The following ZFHX3 variants were observed in gnomAD, a reference collection of about 807,000 sequenced individuals.
The protein encoded by ZFHX3 is zinc finger homeobox 3, also known as zinc finger homeobox protein 3.
A neutral mutation model predicts 279.1 loss-of-function variants in ZFHX3; 42 were observed. That is an observed-to-expected ratio of 0.15 (90% CI 0.12 to 0.19). The LOEUF is 0.19. Among genes scored for constraint, ZFHX3 ranks in the 10% least tolerant of loss-of-function variants. The pLI is 1.00. For missense variants in ZFHX3, 4,981 were observed against 4,754.0 expected, an observed-to-expected ratio of 1.05 and a Z score of -1.40; for synonymous variants, 2,293 against 1,957.8, an observed-to-expected ratio of 1.17 and a Z score of -4.52.
At chr16:73,499,360 T>C (rs1434068787) in intron 2 of ZFHX3, 1 of 152,182 alleles carries the variant, frequency 6.6e-6, no homozygotes, top group African/African-American at 2.4e-5. Context: ...CACTTGGGTT[T>C]GAGAGGTGGG....
At chr16:73,869,704 C>A (rs1241859085) in intron 1 of ZFHX3, among the ~76,000 whole-genome samples, 1 of 152,222 alleles carries the variant, frequency 6.6e-6, no homozygotes, top group Non-Finnish European at 1.5e-5. Context: ...ATGTGACCTA[C>A]TGAAGCCAAC....
chr16:73,086,085 C>A (rs557327193), intron 8 of ZFHX3, among the ~76,000 whole-genome samples: 4 of 148,772 alleles, frequency 2.7e-5, no homozygotes, highest in Non-Finnish European at 4.4e-5. Context: ...AAATGGCCAA[C>A]AAGTATATTT....
intron 4 of ZFHX3, among the ~76,000 whole-genome samples, chr16:73,297,739 G>A (rs559264439): frequency 4.3e-4 from 65 of 152,040 alleles, no homozygotes; most frequent in Non-Finnish European, 7.5e-4. Flanking sequence ...CTTTTATTAC[G>A]TGACCTTGGG....
In ZFHX3 at chr16:72,950,595, C is replaced by T. The variant is rs530852283; in HGVS notation, c.3090G>A (p.Lys1030=). The T allele has an allele frequency of 1.8e-5, 29 of 1,614,232 alleles. No individual in the cohort carries two copies. Among genetic ancestry groups the T allele is most frequent in the Admixed American group, 1.5e-4 (9 of 60,026 alleles). The change falls in exon 3 of 10, where the codon AAG becomes AAA. Residue 1030 remains lysine, a synonymous_variant. Transcript: ENST00000268489. The part of the protein sequence containing the change: ...EGGKANEWRL[K]CVAIGNPVHL... ...GCACGGGGTTGCCGATGGCCACACA[C>T]TTGAGCCTCCACTCGTTGGCCTTGC...
chr16:73,051,165 C>T (rs930034089), upstream of ZFHX3, among the ~76,000 whole-genome samples: 10 of 152,216 alleles, frequency 6.6e-5, no homozygotes, highest in African/African-American at 2.2e-4. Context: ...TGCACCCTTC[C>T]GGGTTCTTCT....
At chr16:73,740,009 C>A (rs1364614297) in intron 1 of ZFHX3, among the ~76,000 whole-genome samples, 2 of 152,256 alleles carry the variant, frequency 1.3e-5, no homozygotes, top group South Asian at 4.1e-4. Context: ...GGGACATCAT[C>A]TTCTGATTGT....
intron 4 of ZFHX3, among the ~76,000 whole-genome samples, chr16:72,842,055 T>G (rs577672666): frequency 6.6e-6 from 1 of 152,142 alleles, no homozygotes; most frequent in African/African-American, 2.4e-5. Context: ...CTATAGAAAT[T>G]TGTAGCACAC....
chr16:73,131,046 C>G (rs765407656), exon 7 of ZFHX3: 2 of 1,228,258 alleles, frequency 1.6e-6, no homozygotes, highest in Admixed American at 2.3e-5. Flanking sequence ...AATCCAGGTC[C>G]TGTCCCTTGC....
Position 72,787,028 on chromosome 16 carries a change from T to A in ZFHX3, c.*136A>T. 5 of 1,054,952 alleles carry A rather than the reference T, an allele frequency of 4.7e-6. No homozygotes were observed. Among genetic ancestry groups the A allele is most frequent in the Non-Finnish European group, 4.9e-6 (4 of 814,178 alleles). The allele number at this position is 1,054,952 out of a possible 1,614,324, so 65.3% of individuals were successfully genotyped here. A position where few individuals can be genotyped will look rare whatever the true frequency, so the allele number is the denominator to read the frequency against. On this transcript the variant is annotated 3_prime_UTR_variant, in exon 10 of 10. Transcript: ENST00000268489. Reference sequence around the variant, plus strand: ...TATATGGGAAAACAACCCACGCTTTTTCTTTTTTTTCTTTTTTTTTTTTTT... The same window carrying A: ...TATATGGGAAAACAACCCACGCTTTATCTTTTTTTTCTTTTTTTTTTTTTT...
intron 2 of ZFHX3, among the ~76,000 whole-genome samples, chr16:73,666,041 C>A (rs2052838816): frequency 6.6e-6 from 1 of 151,748 alleles, no homozygotes. Context: ...TGGTCTCGAT[C>A]TCCTGACCTT....
chr16:72,858,637 T>C (rs2037810446), intron 4 of ZFHX3, among the ~76,000 whole-genome samples: 1 of 152,224 alleles, frequency 6.6e-6, no homozygotes, highest in Non-Finnish European at 1.5e-5. Context: ...GCTCATAGCT[T>C]AGCAACTTTC....
chr16:73,211,328 T>G lies in ZFHX3; in HGVS notation c.-1104+45719A>C, dbSNP rs141132057. On this transcript the variant is annotated intron_variant, in intron 5 of 17. Transcript: ENST00000641206. ...GGCACTGGGCTTCTTTCTGGACTTTTCTTGAAGTCAATGCCCAATGACACT... is the reference window on the plus strand; with the variant it reads ...GGCACTGGGCTTCTTTCTGGACTTTGCTTGAAGTCAATGCCCAATGACACT... Among the ~76,000 whole-genome samples, 10 of 152,348 alleles carry G rather than the reference T, an allele frequency of 6.6e-5. No homozygotes were observed. The East Asian group carries it at 1.9e-3, about 29-fold the overall frequency.
At chr16:73,372,683 G>T (rs1403209578) in intron 3 of ZFHX3, among the ~76,000 whole-genome samples, 4 of 152,218 alleles carry the variant, frequency 2.6e-5, no homozygotes, top group African/African-American at 9.7e-5. Flanking sequence ...CCATGGCCAA[G>T]ATGGCCCATG....
chr16:73,793,351 A>T (rs1959891188), intron 1 of ZFHX3, among the ~76,000 whole-genome samples: 1 of 152,210 alleles, frequency 6.6e-6, no homozygotes, highest in Non-Finnish European at 1.5e-5. Context: ...GATGGCTTGG[A>T]TTCTTATTTC....
At chr16:73,798,900 C>A (rs992137399) in intron 1 of ZFHX3, among the ~76,000 whole-genome samples, 4 of 152,214 alleles carry the variant, frequency 2.6e-5, no homozygotes, top group Admixed American at 2.6e-4. Flanking sequence ...ATGTCTGAAT[C>A]ATTATACAAA....
rs1382582139 is a variant in ZFHX3 at position 72,959,521 on chromosome 16, C to T, written c.625G>A (p.Glu209Lys). 2 of 1,614,138 alleles carry T rather than the reference C, an allele frequency of 1.2e-6. No homozygotes were observed. Among genetic ancestry groups the T allele is most frequent in the Non-Finnish European group, 1.7e-6 (2 of 1,180,046 alleles). Residue 209 changes from glutamate to lysine, a missense_variant, in exon 2 of 10, where the codon GAG becomes AAG. Physicochemically the swap from Glu to Lys is moderately conservative, Grantham distance 56. Around this residue, in one of 7 missense-constraint regions of ZFHX3, gnomAD observed 1,068 missense variants for 935.2 expected, o/e 1.14. Transcript: ENST00000268489. ...TTCGGGAAAGCCTGGTCTGGGCCCTCAAACCATTTCCCGAAGGATGAGGCT... is the reference window on the plus strand; with the variant it reads ...TTCGGGAAAGCCTGGTCTGGGCCCTTAAACCATTTCCCGAAGGATGAGGCT... ...HIASSFGKWF[E>K]GPDQAFPNTS...
intron 3 of ZFHX3, among the ~76,000 whole-genome samples, chr16:73,370,010 A>G (rs1304136076): frequency 6.6e-6 from 1 of 152,178 alleles, no homozygotes; most frequent in Non-Finnish European, 1.5e-5. Context: ...CAGACATTGG[A>G]TGATTCCTCA....
At chr16:73,300,221 C>T (rs1307261043) in intron 4 of ZFHX3, among the ~76,000 whole-genome samples, 3 of 150,018 alleles carry the variant, frequency 2.0e-5, no homozygotes, top group Non-Finnish European at 4.4e-5. Flanking sequence ...CTAGAATGCC[C>T]CACTGCACAC....
intron 4 of ZFHX3, among the ~76,000 whole-genome samples, chr16:73,270,931 G>A (rs1202478940): frequency 2.0e-5 from 3 of 152,190 alleles, no homozygotes; most frequent in Non-Finnish European, 4.4e-5. Context: ...ATCTGACTAG[G>A]TAATGTGTAA....
Sources: allele counts gnomAD v4.1 joint callset (sites outside exome capture counted in the v4.1 genomes callset), GRCh38; gene constraint gnomAD v4.1.1; regional missense constraint gnomAD v4.1.1; transcripts MANE v1.5; gene names NCBI Gene and HGNC (gene_info 2026-07-23, HGNC 2026-07-21).